The following PDE10A variants were observed in gnomAD, a reference collection of about 807,000 sequenced individuals.
PDE10A encodes cAMP and cAMP-inhibited cGMP 3',5'-cyclic phosphodiesterase 10A.
Under a neutral mutation model 97.7 loss-of-function variants are expected in PDE10A, and 39 were observed. The observed-to-expected ratio is 0.40, with a 90% CI of 0.31 to 0.52. The LOEUF is 0.52. Among genes scored for constraint, PDE10A ranks in the 20% least tolerant of loss-of-function variants. The pLI, the probability that PDE10A is intolerant of heterozygous loss-of-function variation, is 0.56. For synonymous variants in PDE10A, 371 were observed against 376.8 expected, an observed-to-expected ratio of 0.98 and a Z score of 0.18; for missense variants, 731 against 1,047.8, an observed-to-expected ratio of 0.70 and a Z score of 4.17.
chr6:165,923,774 G>T (rs1782830626), intron 1 of PDE10A, among the ~76,000 whole-genome samples: 1 of 149,376 alleles, frequency 6.7e-6, no homozygotes, highest in African/African-American at 2.5e-5. Flanking sequence ...AATTAACTGT[G>T]TTTTTTTTTT....
chr6:165,555,788 C>T (rs757368788), intron 1 of PDE10A, among the ~76,000 whole-genome samples: 1 of 152,132 alleles, frequency 6.6e-6, no homozygotes, highest in Non-Finnish European at 1.5e-5. Context: ...AATGTGAGAG[C>T]TTCCAGGCAG....
intron 1 of PDE10A, among the ~76,000 whole-genome samples, chr6:165,616,158 G>A (rs551987751): frequency 9.2e-5 from 14 of 152,006 alleles, no homozygotes; most frequent in South Asian, 4.2e-4. Flanking sequence ...GGCCCTATTC[G>A]CATGACACAG....
intron 1 of PDE10A, among the ~76,000 whole-genome samples, chr6:165,835,507 C>T (rs2128471814): frequency 6.6e-6 from 1 of 152,360 alleles, no homozygotes; most frequent in African/African-American, 2.4e-5. Context: ...CTCTGCTGCA[C>T]GAGCTTCCTT....
At chr6:165,806,278 C>T (rs1275509038) in intron 1 of PDE10A, among the ~76,000 whole-genome samples, 2 of 152,144 alleles carry the variant, frequency 1.3e-5, no homozygotes, top group African/African-American at 4.8e-5. Flanking sequence ...AGAATGACTT[C>T]CACATGGGAC....
chr6:165,480,038 T>C (rs535350960), intron 3 of PDE10A, among the ~76,000 whole-genome samples: 32 of 152,288 alleles, frequency 2.1e-4, no homozygotes, highest in Admixed American at 1.0e-3. Flanking sequence ...CAAGACGCAA[T>C]TAGTCTGTAG....
intron 1 of PDE10A, among the ~76,000 whole-genome samples, chr6:165,839,856 CCT>C (rs751659388): frequency 2.5e-5 from 3 of 120,812 alleles, no homozygotes; most frequent in Non-Finnish European, 5.3e-5. Flanking sequence ...CATCTCCATC[CCT>C]GTCTCCATTC....
intron 1 of PDE10A, among the ~76,000 whole-genome samples, chr6:165,594,556 C>T (rs941282701): frequency 6.6e-6 from 1 of 152,040 alleles, no homozygotes; most frequent in Non-Finnish European, 1.5e-5. Flanking sequence ...CAGAAGAATT[C>T]AAGCTATAAA....
intron 1 of PDE10A, among the ~76,000 whole-genome samples, chr6:165,915,047 C>A (rs1169370684): frequency 6.6e-6 from 1 of 152,210 alleles, no homozygotes; most frequent in Non-Finnish European, 1.5e-5. Context: ...AGCATTTAGG[C>A]ACTTTGTAAT....
At chr6:165,625,731 A>G (rs751062406) in intron 1 of PDE10A, among the ~76,000 whole-genome samples, 19 of 152,160 alleles carry the variant, frequency 1.2e-4, no homozygotes, top group Non-Finnish European at 2.5e-4. Flanking sequence ...GCTGCCATGT[A>G]AGAAGTGCCT....
intron 5 of PDE10A, among the ~76,000 whole-genome samples, chr6:165,444,601 C>T (rs575327728): frequency 6.6e-6 from 1 of 151,800 alleles, no homozygotes; most frequent in Non-Finnish European, 1.5e-5. Flanking sequence ...ATCTTCTTTA[C>T]AAGTAATTTT....
chr6:165,934,004 A>G (rs1484050879), intron 1 of PDE10A, among the ~76,000 whole-genome samples: 2 of 139,806 alleles, frequency 1.4e-5, no homozygotes, highest in South Asian at 2.2e-4. Flanking sequence ...TTTTTTTTTT[A>G]GTCGGAGTCT....
At chr6:165,962,273 A>C (rs907717106) in intron 1 of PDE10A, among the ~76,000 whole-genome samples, 6 of 152,212 alleles carry the variant, frequency 3.9e-5, no homozygotes, top group Non-Finnish European at 4.4e-5. Context: ...CACTACAGGG[A>C]AGCTGGCCAT....
At position 165,348,515 on chromosome 6, in the gene PDE10A, T is replaced by C. The variant is rs191149736; in HGVS notation, c.2784-5013A>G. Among the ~76,000 whole-genome samples, 791 of 152,332 alleles carry C rather than the reference T, an allele frequency of 5.2e-3. 4 individuals are homozygous for C. Among genetic ancestry groups the C allele is most frequent in the African/African-American group, 0.018 (761 of 41,566 alleles). On this transcript the variant is annotated intron_variant, in intron 18 of 21. Coordinates refer to ENST00000539869, the MANE Select transcript of PDE10A (RefSeq NM_001385079.1). Reference sequence around the variant, plus strand: ...TGAGTTCAGAGCTGGTTTCCAGACATGACATTTGTTTTTAGTTGTAGTCAG... The same window carrying C: ...TGAGTTCAGAGCTGGTTTCCAGACACGACATTTGTTTTTAGTTGTAGTCAG...
chr6:165,410,949 G>C lies in PDE10A; in HGVS notation c.2076+2552C>G, dbSNP rs1486354991. 5.0e-5 allele frequency among the ~76,000 whole-genome samples: 2 copies of C among 39,610 alleles called. 1 individual carries two copies. The highest frequency in any genetic ancestry group is 8.8e-5 in the Non-Finnish European group (2 of 22,700). The allele number at this position is 39,610 out of a possible 152,430, so 26.0% of individuals were successfully genotyped here. ...TAAAAATACAAAAAAATAGCCGGGC[G>C]TGGTGGCGGTGCCTGTAGTCCCAGC... is the stretch of plus-strand genomic sequence containing the variant. On this transcript the variant is annotated intron_variant, in intron 13 of 21. Coordinates refer to ENST00000539869, the MANE Select transcript of PDE10A (RefSeq NM_001385079.1).
chr6:165,501,572 C>CAA lies in PDE10A; in HGVS notation c.995-19231_995-19230dup, dbSNP rs1418840694. On this transcript the variant is annotated intron_variant, in intron 2 of 21. Transcript: ENST00000539869. ...TGGATGAAAGGGCGAGACTCCGTCT[C>CAA]AAAAAAAAAAAAAAAGTCCTGAGGA... is the stretch of plus-strand genomic sequence containing the variant. 5.9e-3 allele frequency among the ~76,000 whole-genome samples: 579 copies of CAA among 97,592 alleles called. 4 individuals carry two copies. The highest frequency in any genetic ancestry group is 0.019 in the African/African-American group (526 of 27,390). The allele number at this position is 97,592 out of a possible 152,430, so 64.0% of individuals were successfully genotyped here.
chr6:165,640,463 A>C (rs59406637), intron 1 of PDE10A, among the ~76,000 whole-genome samples: 7,070 of 152,292 alleles, frequency 0.046, 502 homozygotes, highest in African/African-American at 0.15. Context: ...AAGCTTACTC[A>C]GGTAACTCCA....
At chr6:165,566,968 A>G (rs1784807668) in intron 1 of PDE10A, among the ~76,000 whole-genome samples, 1 of 152,236 alleles carries the variant, frequency 6.6e-6, no homozygotes, top group Admixed American at 6.5e-5. Flanking sequence ...GTGCATACTT[A>G]AGTCCATCAA....
At chr6:165,469,606 G>C (rs1399167613) in intron 3 of PDE10A, among the ~76,000 whole-genome samples, 1 of 152,154 alleles carries the variant, frequency 6.6e-6, no homozygotes, top group East Asian at 1.9e-4. Context: ...CTTCCTGTGG[G>C]GTTCTTCTTC....
rs1355013409 is a variant in PDE10A at position 165,906,891 on chromosome 6, G to GAGTCCAGGTAAGTAAATTAATA, written c.-615+80616_-615+80637dup. ...GTGACCAAAGTCACACGGTAGATCG[G>GAGTCCAGGTAAGTAAATTAATA]AGTCCAGGTAAGTAAATTAATATCC... On this transcript the variant is annotated intron_variant, in intron 1 of 19. Transcript: ENST00000366882. Among the ~76,000 whole-genome samples, 5 of 152,336 alleles carry GAGTCCAGGTAAGTAAATTAATA rather than the reference G, an allele frequency of 3.3e-5. No homozygotes were observed. The East Asian group carries it at 9.7e-4, about 29-fold the overall frequency.
Sources: gnomAD v4.1 joint callset for allele counts (sites outside exome capture counted in the v4.1 genomes callset) on GRCh38, gnomAD v4.1.1 for gene constraint, MANE v1.5 for transcripts, NCBI Gene and HGNC (gene_info 2026-07-23, HGNC 2026-07-21) for gene names.